SLC9C1: variants seen among roughly 807,000 people sequenced by gnomAD.
SLC9C1 encodes solute carrier family 9 member C1, also known as sodium/hydrogen exchanger 10.
Under a neutral mutation model 140.9 loss-of-function variants are expected in SLC9C1, and 97 were observed. The observed-to-expected ratio is 0.69, with a 90% CI of 0.58 to 0.82. The LOEUF is 0.82. Ranked by LOEUF, SLC9C1 falls within the 40% of genes least tolerant of loss-of-function variation. The probability of loss-of-function intolerance (pLI) is 0.00; values close to 1 mark genes in which losing one functional copy is unlikely to be tolerated. For missense variants in SLC9C1, 1,340 were observed against 1,389.3 expected, an observed-to-expected ratio of 0.96 and a Z score of 0.56; for synonymous variants, 440 against 442.6, an observed-to-expected ratio of 0.99 and a Z score of 0.07.
chr3:112,212,728 G>A (rs543593859), intron 15 of SLC9C1, among the ~76,000 whole-genome samples: 47 of 152,312 alleles, frequency 3.1e-4, no homozygotes, highest in Non-Finnish European at 4.3e-4. Flanking sequence ...ATCTACATCC[G>A]ATTGGTATAC....
Position 112,264,245 on chromosome 3 carries a change from T to C in SLC9C1, c.977A>G (p.Asp326Gly), listed in dbSNP as rs1464827594. 16 of 1,356,664 alleles carry C rather than the reference T, an allele frequency of 1.2e-5. No individual in the cohort carries two copies. The highest frequency in any genetic ancestry group is 1.6e-5 in the Non-Finnish European group (16 of 1,020,818). 84.0% of individuals were successfully genotyped at this position (1,356,664 alleles called of 1,614,324 possible). The change falls in exon 9 of 29, where the codon GAT (aspartate) becomes GGT (glycine). Residue 326 changes from aspartate to glycine, a missense_variant. Transcript: ENST00000305815. ...GTAGATATTTAATGAATAGTATATA[T>C]CAACAAATTCTATATACAAATATGT... is the stretch of plus-strand genomic sequence containing the variant. ...AHTYLYIEFV[D>G]IYYSLNIYLT...
intron 20 of SLC9C1, among the ~76,000 whole-genome samples, chr3:112,187,888 T>C (rs1263089406): frequency 1.3e-5 from 2 of 152,058 alleles, no homozygotes; most frequent in Admixed American, 1.3e-4. Flanking sequence ...CAAAATCTTA[T>C]AATTTTACAG....
At chr3:112,276,134 TA>T (rs779055187) in intron 5 of SLC9C1, among the ~76,000 whole-genome samples, 5 of 152,106 alleles carry the variant, frequency 3.3e-5, no homozygotes, top group African/African-American at 7.2e-5. Context: ...TCATGAGAAA[TA>T]ATAAATAATT....
At chr3:112,155,191 A>G (rs1326159194) in intron 26 of SLC9C1, 142 bp from the exon 27 acceptor site, 1 of 607,750 alleles carries the variant, frequency 1.6e-6, no homozygotes, top group East Asian at 2.9e-5. Context: ...CATTTGGTTA[A>G]AAAAAAGGGT....
intron 13 of SLC9C1, 60 bp from the exon 14 acceptor site, chr3:112,221,285 ATCT>A (rs749919896): frequency 4.3e-6 from 6 of 1,384,498 alleles, no homozygotes; most frequent in Non-Finnish European, 6.1e-6. Flanking sequence ...ACTTATTACA[ATCT>A]TGATGGGAAA....
At chr3:112,288,714 C>T (rs377026963) in intron 1 of SLC9C1, among the ~76,000 whole-genome samples, 15 of 152,230 alleles carry the variant, frequency 9.9e-5, no homozygotes, top group East Asian at 9.7e-4. Context: ...GAACTATGAT[C>T]GTGACACTGC....
At position 112,294,145 on chromosome 3, in the gene SLC9C1, G is replaced by T. The variant is rs2080768616; in HGVS notation, c.-140C>A. ...GTGGTGTGCAAGTGAGAAGTGGGGG[G>T]CAGCTATTTCGCTCACAGCCAAACA... is the stretch of plus-strand genomic sequence containing the variant. On this transcript the variant is annotated 5_prime_UTR_variant, in exon 1 of 29. Coordinates refer to ENST00000305815, the MANE Select transcript of SLC9C1 (RefSeq NM_183061.3). 1.3e-5 allele frequency: 2 copies of T among 152,202 alleles called. No individual in the cohort carries two copies. The highest frequency in any genetic ancestry group is 4.8e-5 in the African/African-American group (2 of 41,398). 9.4% of individuals were successfully genotyped at this position (152,202 alleles called of 1,614,324 possible).
At chr3:112,205,222 A>G (rs1002855630) in intron 16 of SLC9C1, among the ~76,000 whole-genome samples, 1 of 152,096 alleles carries the variant, frequency 6.6e-6, no homozygotes, top group Admixed American at 6.6e-5. Flanking sequence ...TACAAAATCA[A>G]TGTACAAAAA....
At chr3:112,189,507 T>A (rs1194081743) in intron 20 of SLC9C1, among the ~76,000 whole-genome samples, 2 of 152,192 alleles carry the variant, frequency 1.3e-5, no homozygotes, top group Non-Finnish European at 2.9e-5. Context: ...CATTGCTTGT[T>A]TTTCTCAGGT....
rs183775258 is a variant in SLC9C1, at chr3:112,234,150, C to T, written c.1447-2664G>A. Among the ~76,000 whole-genome samples the T allele has an allele frequency of 9.9e-4, 150 of 152,236 alleles. 2 individuals are homozygous for T. In the East Asian group the frequency reaches 0.012, roughly 13 times the overall value. ...CATCCCTCTCCAGCACCTGTTGTTT[C>T]CTGACTTTTTAATGATCGCCATCCT... On this transcript the variant is annotated intron_variant, in intron 12 of 28. Coordinates refer to ENST00000305815, the MANE Select transcript of SLC9C1 (RefSeq NM_183061.3).
chr3:112,167,310 A>G lies in SLC9C1; in HGVS notation c.3275T>C (p.Ile1092Thr), dbSNP rs1277538067. ...TGTTTTCATGTTAATCGGAGTTTGAATAATCACTACTTTTGTGAAATCTTC... is the reference window on the plus strand; with the variant it reads ...TGTTTTCATGTTAATCGGAGTTTGAGTAATCACTACTTTTGTGAAATCTTC... ...SIEDFTKVVI[I>T]QTPINMKTFR... Residue 1092 changes from isoleucine to threonine, a missense_variant, in exon 26 of 29, where the codon ATT becomes ACT. Coordinates refer to ENST00000305815, the MANE Select transcript of SLC9C1 (RefSeq NM_183061.3). 6.2e-7 allele frequency: 1 copy of G among 1,606,132 alleles called. No individual in the cohort carries two copies. The highest frequency in any genetic ancestry group is 1.1e-5 in the South Asian group (1 of 89,762).
At chr3:112,231,578 T>G (rs929458825) in intron 12 of SLC9C1, 92 bp from the exon 13 acceptor site, 1 of 1,276,746 alleles carries the variant, frequency 7.8e-7, no homozygotes, top group Non-Finnish European at 1.1e-6. Context: ...CCAGTTTGCA[T>G]TGAAAAATGG....
intron 12 of SLC9C1, 88 bp downstream of exon 12, chr3:112,239,752 A>C (rs1246973663): frequency 8.1e-7 from 1 of 1,233,040 alleles, no homozygotes; most frequent in African/African-American, 1.5e-5. Flanking sequence ...CAAATATTAA[A>C]ACTTGTGAAT....
chr3:112,273,980 G>A (rs1051333207), intron 6 of SLC9C1, among the ~76,000 whole-genome samples: 22 of 152,108 alleles, frequency 1.4e-4, no homozygotes, highest in African/African-American at 4.1e-4. Flanking sequence ...ATAGTAGGTC[G>A]TCAGTTTATC....
At chr3:112,222,257 T>A (rs1419230296) in intron 13 of SLC9C1, among the ~76,000 whole-genome samples, 1 of 152,194 alleles carries the variant, frequency 6.6e-6, no homozygotes, top group Non-Finnish European at 1.5e-5. Context: ...AATTAGATAC[T>A]AGAAGATGTT....
At chr3:112,252,134 G>A (rs2079477068) in intron 10 of SLC9C1, among the ~76,000 whole-genome samples, 1 of 152,112 alleles carries the variant, frequency 6.6e-6, no homozygotes, top group Non-Finnish European at 1.5e-5. Flanking sequence ...CCCTGTGGGA[G>A]GGATGGGCCA....
intron 16 of SLC9C1, among the ~76,000 whole-genome samples, chr3:112,206,852 G>A (rs2078066302): frequency 1.5e-5 from 1 of 66,552 alleles, no homozygotes; most frequent in Non-Finnish European, 3.2e-5. Context: ...GTGGGGTCGG[G>A]GGCTGGGGGG....
Position 112,263,019 on chromosome 3 carries a change from C to A in SLC9C1, c.1102G>T (p.Val368Phe). Residue 368 changes from valine (V) to phenylalanine (F), a missense_variant, in exon 10 of 29, where the codon GTC becomes TTC. Physicochemically the swap from Val to Phe is conservative, Grantham distance 50. Transcript: ENST00000305815. ...GGCATCCCCTTCATTTCACTACAGA[C>A]CATTATGAATATCCAGCGCCAACTG... ...EFSWRWIFIM[V>F]CSEMKGMPNI... 6.2e-7 allele frequency: 1 copy of A among 1,607,614 alleles called. No homozygotes were observed. The highest frequency in any genetic ancestry group is 8.5e-7 in the Non-Finnish European group (1 of 1,177,006).
rs372692839 is a variant in SLC9C1, at chr3:112,202,292, C to A, written c.2280G>T (p.Met760Ile). 1.2e-6 allele frequency: 2 copies of A among 1,611,402 alleles called. No individual in the cohort carries two copies. The highest frequency in any genetic ancestry group is 1.3e-5 in the African/African-American group (1 of 74,784). Residue 760 changes from methionine to isoleucine, a missense_variant, in exon 18 of 29, where the codon ATG becomes ATT. Transcript: ENST00000305815. The stretch of plus-strand genomic sequence containing the variant: ...AACTTGTAATCTGATCAATTATGGT[C>A]ATTATGTCTGCTTCGCCTTGGACAT... The part of the protein sequence containing the change: ...KGYVQGEADI[M>I]TIIDQITSSK...
Sources: gnomAD v4.1 joint callset for allele counts (sites outside exome capture counted in the v4.1 genomes callset) on GRCh38, gnomAD v4.1.1 for gene constraint, MANE v1.5 for transcripts, NCBI Gene and HGNC (gene_info 2026-07-23, HGNC 2026-07-21) for gene names.